TOP2B: variants seen among roughly 807,000 people sequenced by gnomAD.
The protein encoded by TOP2B is DNA topoisomerase 2-beta.
Under a neutral mutation model 193.5 loss-of-function variants are expected in TOP2B, and 51 were observed. That is an observed-to-expected ratio of 0.26 (90% CI 0.21 to 0.33). The LOEUF (loss-of-function observed/expected upper bound fraction) is 0.33, where lower values mean the gene tolerates loss of function less well. TOP2B is among the 10% of genes least tolerant of loss of function. The probability of loss-of-function intolerance (pLI) is 1.00; values close to 1 mark genes in which losing one functional copy is unlikely to be tolerated. For missense variants in TOP2B, 1,378 were observed against 1,909.3 expected (o/e 0.72, Z 5.19); for synonymous variants, 634 against 635.7 (o/e 1.00, Z 0.04).
chr3:25,601,359 T>TGTA, intron 33 of TOP2B, 134 bp from the exon 34 acceptor site: 1 of 1,100,542 alleles, frequency 9.1e-7, no homozygotes. Context: ...GGCTCACACC[T>TGTA]GTAATGCCAG....
intron 25 of TOP2B, 104 bp from the exon 26 acceptor site, chr3:25,615,690 A>G: frequency 1.0e-6 from 1 of 983,506 alleles, no homozygotes; most frequent in Non-Finnish European, 1.4e-6. Context: ...CTACACTATA[A>G]ATGCTACATC....
intron 4 of TOP2B, among the ~76,000 whole-genome samples, chr3:25,642,052 T>C (rs1272055859): frequency 6.6e-6 from 1 of 151,962 alleles, no homozygotes; most frequent in Non-Finnish European, 1.5e-5. Flanking sequence ...GTCCCAAAAG[T>C]AAGGGTAAGA....
chr3:25,600,372 C>CA (rs1476960578), intron 34 of TOP2B, among the ~76,000 whole-genome samples: 1 of 152,182 alleles, frequency 6.6e-6, no homozygotes, highest in Admixed American at 6.6e-5. Flanking sequence ...AGGGAAATAG[C>CA]ATTTTTGAAT....
chr3:25,609,392 T>G, intron 29 of TOP2B, 48 bp from the exon 30 acceptor site: 1 of 1,495,532 alleles, frequency 6.7e-7, no homozygotes, highest in East Asian at 2.4e-5. Flanking sequence ...TTTATAGAAA[T>G]GTCATTAGTA....
chr3:25,638,324 A>G lies in TOP2B; in HGVS notation c.396-14T>C, dbSNP rs780480239. On this transcript the variant is annotated splice_polypyrimidine_tract_variant and intron_variant, in intron 4 of 35. Coordinates refer to ENST00000264331, the MANE Select transcript of TOP2B (RefSeq NM_001330700.2). ...ATGTTAGATTCACTGTAAAAAAAAA[A>G]AAAAAAAAAAAAAAAAAAAAAAAAA... is the stretch of plus-strand genomic sequence containing the variant. The G allele has an allele frequency of 1.8e-6, 2 of 1,099,742 alleles. No homozygotes were observed. Among genetic ancestry groups the G allele is most frequent in the Non-Finnish European group, 2.3e-6 (2 of 873,886 alleles). 68.1% of individuals were successfully genotyped at this position (1,099,742 alleles called of 1,614,324 possible). A position where few individuals can be genotyped will look rare whatever the true frequency, so the allele number is the denominator to read the frequency against.
intron 25 of TOP2B, among the ~76,000 whole-genome samples, chr3:25,617,981 T>G (rs903414720): frequency 6.6e-6 from 1 of 152,192 alleles, no homozygotes; most frequent in African/African-American, 2.4e-5. Context: ...ACATTTTGTC[T>G]CTTGTCTTCC....
rs941559475 is a variant in TOP2B at position 25,664,566 on chromosome 3, G to C, written c.-269C>G. ...GCTGAGGAGAAAGCAGGGAGCGACC[G>C]GCGGCGGCCGAGCGGCGGCGTTGCC... On this transcript the variant is annotated 5_prime_UTR_variant, in exon 1 of 36. Transcript: ENST00000264331. 6.5e-6 allele frequency: 7 copies of C among 1,069,572 alleles called. No homozygotes were observed. In the African/African-American group the frequency reaches 1.0e-4, roughly 15 times the overall value. 66.3% of individuals were successfully genotyped at this position (1,069,572 alleles called of 1,614,324 possible).
chr3:25,638,027 T>C, intron 5 of TOP2B, 138 bp downstream of exon 5: 2 of 854,428 alleles, frequency 2.3e-6, no homozygotes, highest in Non-Finnish European at 3.5e-6. Context: ...ACCAAGACAA[T>C]ATTTATACAT....
At chr3:25,659,689 C>T (rs1230179888) in intron 1 of TOP2B, among the ~76,000 whole-genome samples, 1 of 152,152 alleles carries the variant, frequency 6.6e-6, no homozygotes, top group Non-Finnish European at 1.5e-5. Context: ...TACACATATT[C>T]TGAAAAGGAA....
At position 25,657,831 on chromosome 3, in the gene TOP2B, G is replaced by A. The variant is rs192487944; in HGVS notation, c.69+6398C>T. 2.2e-3 allele frequency among the ~76,000 whole-genome samples: 340 copies of A among 152,254 alleles called. 1 individual carries two copies. Among genetic ancestry groups the A allele is most frequent in the Admixed American group, 4.9e-3 (75 of 15,298 alleles). ...AATCCCAGCACTTTGGAAGGCTGAG[G>A]CAGGTGGATCATCAGGTCAGGAGAT... On this transcript the variant is annotated intron_variant, in intron 1 of 35. Transcript: ENST00000264331.
At chr3:25,602,017 T>C (rs1309595595) in intron 33 of TOP2B, among the ~76,000 whole-genome samples, 2 of 152,122 alleles carry the variant, frequency 1.3e-5, no homozygotes, top group Non-Finnish European at 2.9e-5. Context: ...CCTAGATAAG[T>C]AGACAATTGA....
chr3:25,599,161 A>G (rs946886518), intron 35 of TOP2B, among the ~76,000 whole-genome samples: 1 of 152,212 alleles, frequency 6.6e-6, no homozygotes, highest in African/African-American at 2.4e-5. Flanking sequence ...TTTAGTCTGA[A>G]AGAGTCTAAT....
chr3:25,607,395 T>G lies in TOP2B; in HGVS notation c.4094-20A>C. 1 of 1,548,332 alleles carries G rather than the reference T, an allele frequency of 6.5e-7. No homozygotes were observed. Among genetic ancestry groups the G allele is most frequent in the Non-Finnish European group, 8.7e-7 (1 of 1,145,472 alleles). ...TTTCGGCTAGGAGGAAAAATAAAAATGAATGTTAAACTCAAATCCTAGCTT... is the reference window on the plus strand; with the variant it reads ...TTTCGGCTAGGAGGAAAAATAAAAAGGAATGTTAAACTCAAATCCTAGCTT... On this transcript the variant is annotated intron_variant, in intron 30 of 35. Transcript: ENST00000264331.
chr3:25,609,149 A>G (rs1448846760), intron 30 of TOP2B, 34 bp downstream of exon 30: 4 of 1,548,786 alleles, frequency 2.6e-6, no homozygotes, highest in Admixed American at 1.8e-5. Context: ...AGGTTAAACT[A>G]TAATATACAG....
At position 25,615,470 on chromosome 3, in the gene TOP2B, T is replaced by A; in HGVS notation, c.3468A>T (p.Lys1156Asn). 3 of 1,566,490 alleles carry A rather than the reference T, an allele frequency of 1.9e-6. No individual in the cohort carries two copies. The highest frequency in any genetic ancestry group is 2.6e-6 in the Non-Finnish European group (3 of 1,158,790). Residue 1156 changes from lysine to asparagine, a missense_variant, in exon 26 of 36, where the codon AAA (lysine) becomes AAT (asparagine). Transcript: ENST00000264331. ...ILNMSLWSLTKEKVEELIKQR... is the reference protein window; with the variant it reads ...ILNMSLWSLTNEKVEELIKQR... Reference sequence around the variant, plus strand: ...GTTTAATCAGTTCTTCAACTTTTTCTTTAGTAAGAGACCACAGAGACATAT... The same window carrying A: ...GTTTAATCAGTTCTTCAACTTTTTCATTAGTAAGAGACCACAGAGACATAT...
At chr3:25,646,128 T>C (rs1703408196) in intron 1 of TOP2B, among the ~76,000 whole-genome samples, 1 of 152,006 alleles carries the variant, frequency 6.6e-6, no homozygotes, top group South Asian at 2.1e-4. Flanking sequence ...CTGGTGAAGT[T>C]ACAGAATCAC....
chr3:25,649,266 A>G (rs936534480), intron 1 of TOP2B, among the ~76,000 whole-genome samples: 1 of 152,216 alleles, frequency 6.6e-6, no homozygotes, highest in Non-Finnish European at 1.5e-5. Context: ...ATCTATCAGA[A>G]CAACATATAC....
At chr3:25,605,530 A>T (rs1021481114) in intron 32 of TOP2B, among the ~76,000 whole-genome samples, 1 of 152,090 alleles carries the variant, frequency 6.6e-6, no homozygotes, top group Non-Finnish European at 1.5e-5. Context: ...TGTGTGTATT[A>T]AAAAATGATA....
Position 25,664,339 on chromosome 3 carries a change from C to G in TOP2B, c.-42G>C. The G allele has an allele frequency of 1.4e-6, 2 of 1,435,518 alleles. No homozygotes were observed. The highest frequency in any genetic ancestry group is 1.8e-6 in the Non-Finnish European group (2 of 1,104,070). 88.9% of individuals were successfully genotyped at this position (1,435,518 alleles called of 1,614,324 possible). On this transcript the variant is annotated 5_prime_UTR_variant, in exon 1 of 36. Coordinates refer to ENST00000264331, the MANE Select transcript of TOP2B (RefSeq NM_001330700.2). ...TCACAGGCCCTGAGGCCGCAGCCGC[C>G]GCTCCCGCCTCCCTGCGGGCCGCTG...
Sources: allele counts gnomAD v4.1 joint callset (sites outside exome capture counted in the v4.1 genomes callset), GRCh38; gene constraint gnomAD v4.1.1; transcripts MANE v1.5; gene names NCBI Gene and HGNC (gene_info 2026-07-23, HGNC 2026-07-21).